The following IL1RAPL1 variants were observed in gnomAD, a reference collection of about 807,000 sequenced individuals.
The protein encoded by IL1RAPL1 is interleukin 1 receptor accessory protein like 1, also known as interleukin-1 receptor accessory protein-like 1.
A neutral mutation model predicts 48.4 loss-of-function variants in IL1RAPL1; 3 were observed. The observed-to-expected ratio is 0.06, with a 90% confidence interval of 0.03 to 0.16. The LOEUF is 0.16. Ranked by LOEUF, IL1RAPL1 falls within the 10% of genes least tolerant of loss-of-function variation. IL1RAPL1 has a pLI of 1.00. For missense variants in IL1RAPL1, 349 were observed against 530.6 expected, an observed-to-expected ratio of 0.66 and a Z score of 3.36; for synonymous variants, 185 against 187.7, an observed-to-expected ratio of 0.99 and a Z score of 0.12.
Position 28,914,704 on chromosome X carries a change from C to T in IL1RAPL1, c.82+125279C>T, listed in dbSNP as rs1923442758. Among the ~76,000 whole-genome samples, 3 of 112,147 alleles carry T rather than the reference C, an allele frequency of 2.7e-5. No homozygotes were observed. In the South Asian group the frequency reaches 1.1e-3, roughly 41 times the overall value. On this transcript the variant is annotated intron_variant, in intron 2 of 10. Transcript: ENST00000378993. ...GCAAATACTGAGTATCATTATTTAA[C>T]TCCAGCTAAACAAACAAGGTTGATA...
chrX:29,541,438 C>A (rs1169942649), intron 5 of IL1RAPL1, among the ~76,000 whole-genome samples: 1 of 111,492 alleles, frequency 9.0e-6, no homozygotes, highest in Non-Finnish European at 1.9e-5. Flanking sequence ...AGGTATATAG[C>A]CAAAAGAAAA....
At chrX:28,779,632 G>A (rs12845857) in intron 1 of IL1RAPL1, among the ~76,000 whole-genome samples, 19,569 of 53,855 alleles carry the variant, frequency 0.36, 2,837 homozygotes, top group South Asian at 0.46. Context: ...GTGTGTGTGT[G>A]TGTATATATA....
At chrX:29,013,741 A>G (rs1455280290) in intron 2 of IL1RAPL1, among the ~76,000 whole-genome samples, 2 of 110,816 alleles carry the variant, frequency 1.8e-5, no homozygotes, top group African/African-American at 6.6e-5. Flanking sequence ...GAGAGCATCA[A>G]GAAGAATAGC....
intron 5 of IL1RAPL1, among the ~76,000 whole-genome samples, chrX:29,617,287 A>G (rs1050095116): frequency 2.7e-5 from 3 of 112,571 alleles, no homozygotes; most frequent in African/African-American, 9.7e-5. Context: ...ATTCATTGAT[A>G]GAGCTAGTAT....
At chrX:29,675,722 C>A (rs765869043) in intron 6 of IL1RAPL1, among the ~76,000 whole-genome samples, 1 of 111,323 alleles carries the variant, frequency 9.0e-6, no homozygotes, top group Non-Finnish European at 1.9e-5. Flanking sequence ...TCCCGAGTAG[C>A]TGGGATTACA....
At chrX:29,324,362 G>A (rs990584405) in intron 3 of IL1RAPL1, among the ~76,000 whole-genome samples, 2 of 111,587 alleles carry the variant, frequency 1.8e-5, no homozygotes, top group East Asian at 5.7e-4. Flanking sequence ...ACCTTTTTAT[G>A]CTTAGGTTCC....
At chrX:29,734,803 C>T (rs1569156550) in intron 6 of IL1RAPL1, among the ~76,000 whole-genome samples, 1 of 111,279 alleles carries the variant, frequency 9.0e-6, no homozygotes, top group Non-Finnish European at 1.9e-5. Context: ...ATAGAGATTA[C>T]AATTTGTGAA....
chrX:29,333,185 T>C (rs1932908066), intron 3 of IL1RAPL1, among the ~76,000 whole-genome samples: 3 of 106,647 alleles, frequency 2.8e-5, no homozygotes, highest in Non-Finnish European at 3.9e-5. Context: ...GACGGGGTCG[T>C]GGCCGGGCAG....
intron 5 of IL1RAPL1, among the ~76,000 whole-genome samples, chrX:29,529,439 C>G (rs1935588703): frequency 9.2e-6 from 1 of 108,719 alleles, no homozygotes; most frequent in Admixed American, 9.8e-5. Flanking sequence ...ACTAAAAATA[C>G]AAAAATTAGC....
At chrX:28,864,326 G>T (rs183234210) in intron 2 of IL1RAPL1, among the ~76,000 whole-genome samples, 2 of 111,827 alleles carry the variant, frequency 1.8e-5, no homozygotes, top group Non-Finnish European at 3.8e-5. Context: ...AATTCAAAAC[G>T]ATATTTTTTG....
At chrX:29,105,735 C>G (rs1207997335) in intron 2 of IL1RAPL1, among the ~76,000 whole-genome samples, 2 of 111,241 alleles carry the variant, frequency 1.8e-5, no homozygotes, top group Non-Finnish European at 3.8e-5. Context: ...CTTGCCTGCT[C>G]TCTTCATCTC....
intron 5 of IL1RAPL1, among the ~76,000 whole-genome samples, chrX:29,591,284 A>G (rs1431639263): frequency 1.8e-5 from 2 of 112,449 alleles, no homozygotes; most frequent in Non-Finnish European, 3.8e-5. Flanking sequence ...CTTGTGGGGT[A>G]GGCATTGTGA....
In IL1RAPL1 at chrX:29,566,106, A is replaced by G. The variant is rs1431598112; in HGVS notation, c.704-102324A>G. Among the ~76,000 whole-genome samples, 6 of 110,661 alleles carry G rather than the reference A, an allele frequency of 5.4e-5. No individual in the cohort carries two copies. In the East Asian group the frequency reaches 1.4e-3, roughly 26 times the overall value. On this transcript the variant is annotated intron_variant, in intron 5 of 10. Coordinates refer to ENST00000378993, the MANE Select transcript of IL1RAPL1 (RefSeq NM_014271.4). ...TGGGACTACAGGCGTCCGCCACCACACCCGGCTAATTTTTTGTAGAGACGG... is the reference window on the plus strand; with the variant it reads ...TGGGACTACAGGCGTCCGCCACCACGCCCGGCTAATTTTTTGTAGAGACGG...
intron 3 of IL1RAPL1, among the ~76,000 whole-genome samples, chrX:29,331,583 C>T (rs908907680): frequency 8.9e-6 from 1 of 111,981 alleles, no homozygotes; most frequent in Non-Finnish European, 1.9e-5. Context: ...GAGTAAGGAA[C>T]AGATGCTTAC....
intron 2 of IL1RAPL1, among the ~76,000 whole-genome samples, chrX:28,926,864 T>C (rs965904810): frequency 9.0e-6 from 1 of 111,213 alleles, no homozygotes; most frequent in Non-Finnish European, 1.9e-5. Flanking sequence ...ATCTACCAGC[T>C]CATCTGGATC....
intron 5 of IL1RAPL1, among the ~76,000 whole-genome samples, chrX:29,545,761 T>G (rs1186835530): frequency 8.9e-6 from 1 of 112,295 alleles, no homozygotes; most frequent in Non-Finnish European, 1.9e-5. Flanking sequence ...TTTCCATTAT[T>G]TATAATTATG....
At chrX:28,721,397 G>A (rs1489622348) in intron 1 of IL1RAPL1, among the ~76,000 whole-genome samples, 2 of 112,003 alleles carry the variant, frequency 1.8e-5, no homozygotes, top group Non-Finnish European at 3.8e-5. Context: ...GTCTTCTTTT[G>A]AGAAGTGTCT....
intron 3 of IL1RAPL1, among the ~76,000 whole-genome samples, chrX:29,288,238 A>G (rs1001085482): frequency 2.7e-5 from 3 of 110,620 alleles, no homozygotes; most frequent in African/African-American, 9.9e-5. Context: ...TGCTGCACCT[A>G]TCAACCCATC....
At chrX:29,510,246 A>G (rs1200211445) in intron 5 of IL1RAPL1, among the ~76,000 whole-genome samples, 2 of 112,512 alleles carry the variant, frequency 1.8e-5, no homozygotes, top group Non-Finnish European at 1.9e-5. Flanking sequence ...AGATAGCTGT[A>G]AAGTATGTAT....
Sources: gnomAD v4.1 joint callset for allele counts (sites outside exome capture counted in the v4.1 genomes callset) on GRCh38, gnomAD v4.1.1 for gene constraint, MANE v1.5 for transcripts, NCBI Gene and HGNC (gene_info 2026-07-23, HGNC 2026-07-21) for gene names.